TRIM71: variants seen among roughly 807,000 people sequenced by gnomAD.
The protein encoded by TRIM71 is E3 ubiquitin-protein ligase TRIM71.
A neutral mutation model predicts 61.2 loss-of-function variants in TRIM71; 9 were observed. The observed-to-expected ratio is 0.15, with a 90% confidence interval of 0.09 to 0.26. TRIM71 has a LOEUF of 0.26. Among genes scored for constraint, TRIM71 ranks in the 10% least tolerant of loss-of-function variants. The pLI, the probability that TRIM71 is intolerant of heterozygous loss-of-function variation, is 1.00. For missense variants in TRIM71, 998 were observed against 1,238.7 expected (o/e 0.81, Z 2.92); for synonymous variants, 645 against 553.2 (o/e 1.17, Z -2.33).
intron 1 of TRIM71, among the ~76,000 whole-genome samples, chr3:32,842,897 A>G (rs1366801908): frequency 6.6e-6 from 1 of 151,870 alleles, no homozygotes; most frequent in Non-Finnish European, 1.5e-5. Context: ...AGCCTGCCTT[A>G]CTCTGGCCTT....
At position 32,818,169 on chromosome 3, in the gene TRIM71, C is replaced by G. The variant is rs767683704; in HGVS notation, c.89C>G (p.Ser30Cys). 5.6e-6 allele frequency: 9 copies of G among 1,603,728 alleles called. No individual in the cohort carries two copies. In the Admixed American group the frequency reaches 1.0e-4, roughly 18 times the overall value. ...CCGGCGCCGCTCTCCTCCAACTCGT[C>G]CGCGTCGTCGTCCTCCTCGCAGACG... The part of the protein sequence containing the change: ...GSPAPLSSNS[S>C]ASSSSSQTST... The change falls in exon 1 of 4, where the codon TCC (serine) becomes TGC (cysteine). Residue 30 changes from serine to cysteine, a missense_variant. By Grantham distance (112) the Ser-to-Cys change is moderately radical. Transcript: ENST00000383763.
intron 1 of TRIM71, among the ~76,000 whole-genome samples, chr3:32,864,816 C>T (rs1696713131): frequency 6.6e-6 from 1 of 151,232 alleles, no homozygotes; most frequent in African/African-American, 2.4e-5. Context: ...TATTTTGCAA[C>T]ATCATGATTA....
chr3:32,882,893 A>AT (rs1696925179), intron 2 of TRIM71, among the ~76,000 whole-genome samples: 2 of 152,280 alleles, frequency 1.3e-5, no homozygotes, highest in South Asian at 4.1e-4. Flanking sequence ...GTTGGTTTCA[A>AT]TTTCAGATCT....
Position 32,891,904 on chromosome 3 carries a change from G to A in TRIM71, c.*93G>A. 1.3e-6 allele frequency: 2 copies of A among 1,489,984 alleles called. No individual in the cohort carries two copies. The highest frequency in any genetic ancestry group is 1.8e-6 in the Non-Finnish European group (2 of 1,124,930). 92.3% of individuals were successfully genotyped at this position (1,489,984 alleles called of 1,614,324 possible). On this transcript the variant is annotated 3_prime_UTR_variant, in exon 4 of 4. Coordinates refer to ENST00000383763, the MANE Select transcript of TRIM71 (RefSeq NM_001039111.3). The surrounding 1 kb of genome is among the most constrained non-coding windows in gnomAD (Gnocchi z 8.2). The stretch of plus-strand genomic sequence containing the variant: ...TTTCTCTCTCTTTTTGAATTTCAAA[G>A]AAGAAACAGTCTCAGGGAAATTTCT...
Position 32,892,686 on chromosome 3 carries a change from A to G in TRIM71, c.*875A>G, listed in dbSNP as rs577653048. ...TCACACTTTGGTTTCTTAAAAAAGT[A>G]TATAGATGGTAGCTCAGGATTTTTG... On this transcript the variant is annotated 3_prime_UTR_variant, in exon 4 of 4. Transcript: ENST00000383763. 2 of 152,344 alleles carry G rather than the reference A, an allele frequency of 1.3e-5. No homozygotes were observed. Among genetic ancestry groups the G allele is most frequent in the African/African-American group, 4.8e-5 (2 of 41,580 alleles). The allele number at this position is 152,344 out of a possible 1,614,324, so 9.4% of individuals were successfully genotyped here.
chr3:32,867,744 A>G (rs1696753870), intron 1 of TRIM71, among the ~76,000 whole-genome samples: 1 of 152,238 alleles, frequency 6.6e-6, no homozygotes, highest in African/African-American at 2.4e-5. Flanking sequence ...ACACATAAAA[A>G]TGTACTCAGT....
At chr3:32,850,044 C>T (rs952010997) in intron 1 of TRIM71, among the ~76,000 whole-genome samples, 5 of 152,182 alleles carry the variant, frequency 3.3e-5, no homozygotes, top group Non-Finnish European at 7.3e-5. Flanking sequence ...AACAAAACCC[C>T]ACGCATCTGG....
intron 1 of TRIM71, among the ~76,000 whole-genome samples, chr3:32,829,759 C>CT (rs1335320312): frequency 1.3e-5 from 2 of 151,910 alleles, no homozygotes; most frequent in Non-Finnish European, 2.9e-5. Context: ...AATGGGAATG[C>CT]TGAGGCCTGG....
chr3:32,824,856 G>A (rs1477756445), intron 1 of TRIM71, among the ~76,000 whole-genome samples: 5 of 151,954 alleles, frequency 3.3e-5, no homozygotes, highest in East Asian at 1.9e-4. Flanking sequence ...GTTCAGTGGC[G>A]CGATCTTGGC....
At position 32,818,106 on chromosome 3, in the gene TRIM71, T is replaced by G. The variant is rs1696076690; in HGVS notation, c.26T>G (p.Phe9Cys). 1 of 1,610,878 alleles carries G rather than the reference T, an allele frequency of 6.2e-7. No homozygotes were observed. The highest frequency in any genetic ancestry group is 1.3e-5 in the African/African-American group (1 of 74,690). ...ATGGCTTCGTTCCCCGAGACCGATT[T>G]CCAGATCTGCTTGCTGTGCAAGGAG... MASFPETDFQICLLCKEMC... is the reference protein window; with the variant it reads MASFPETDCQICLLCKEMC... Residue 9 changes from phenylalanine (F) to cysteine (C), a missense_variant, in exon 1 of 4, where the codon TTC (phenylalanine) becomes TGC (cysteine). Phe to Cys is a radical substitution (Grantham distance 205). Around this residue, in one of 5 missense-constraint regions of TRIM71, gnomAD observed 527 missense variants for 427.8 expected, o/e 1.23. Coordinates refer to ENST00000383763, the MANE Select transcript of TRIM71 (RefSeq NM_001039111.3).
At chr3:32,883,975 G>C (rs1696934717) in intron 2 of TRIM71, among the ~76,000 whole-genome samples, 1 of 152,234 alleles carries the variant, frequency 6.6e-6, no homozygotes, top group African/African-American at 2.4e-5. Context: ...ATTCCAGGCT[G>C]TGGATATCCT....
intron 2 of TRIM71, among the ~76,000 whole-genome samples, chr3:32,880,236 G>A (rs1046099876): frequency 3.3e-5 from 5 of 151,754 alleles, no homozygotes; most frequent in Non-Finnish European, 5.9e-5. Flanking sequence ...ATGTTGCCCA[G>A]GCTGGTCTTC....
chr3:32,823,430 AT>A (rs1165799536), intron 1 of TRIM71, among the ~76,000 whole-genome samples: 1 of 152,270 alleles, frequency 6.6e-6, no homozygotes, highest in East Asian at 1.9e-4. Flanking sequence ...ACCTTTTGTG[AT>A]TATTTGTTCA....
At chr3:32,866,233 G>C (rs995361647) in intron 1 of TRIM71, among the ~76,000 whole-genome samples, 1 of 151,824 alleles carries the variant, frequency 6.6e-6, no homozygotes, top group Non-Finnish European at 1.5e-5. Flanking sequence ...ACTGCACCAG[G>C]CCTTTTTGTT....
chr3:32,851,902 AAG>A (rs751706419), intron 1 of TRIM71, among the ~76,000 whole-genome samples: 13 of 152,168 alleles, frequency 8.5e-5, no homozygotes, highest in Middle Eastern at 3.2e-3. Context: ...AAAATTGCAA[AAG>A]AGAGAAAGGA....
chr3:32,868,995 C>T (rs1015853504), intron 1 of TRIM71, among the ~76,000 whole-genome samples: 1 of 152,234 alleles, frequency 6.6e-6, no homozygotes, highest in African/African-American at 2.4e-5. Context: ...CAGTCTATCT[C>T]AGTCAAGTAA....
At chr3:32,857,790 G>A (rs1281543295) in intron 1 of TRIM71, among the ~76,000 whole-genome samples, 1 of 152,184 alleles carries the variant, frequency 6.6e-6, no homozygotes, top group African/African-American at 2.4e-5. Flanking sequence ...GGCCAACATG[G>A]CGAAACCGTG....
chr3:32,863,305 C>T (rs941087865), intron 1 of TRIM71, among the ~76,000 whole-genome samples: 11 of 144,392 alleles, frequency 7.6e-5, no homozygotes, highest in African/African-American at 2.3e-4. Flanking sequence ...AACTCTTGGG[C>T]TCATCAAGCC....
chr3:32,839,421 A>G (rs1203740092), intron 1 of TRIM71, among the ~76,000 whole-genome samples: 1 of 151,262 alleles, frequency 6.6e-6, no homozygotes, highest in Admixed American at 6.6e-5. Context: ...AGTTAGATAC[A>G]GGGTTTCACC....
Sources: allele counts gnomAD v4.1 joint callset (sites outside exome capture counted in the v4.1 genomes callset), GRCh38; gene constraint gnomAD v4.1.1; regional missense constraint gnomAD v4.1.1; non-coding constraint Gnocchi (gnomAD v3.1); transcripts MANE v1.5; gene names NCBI Gene and HGNC (gene_info 2026-07-23, HGNC 2026-07-21).